Variants in HYCC1 observed in about 807,000 individuals in gnomAD.
The protein encoded by HYCC1 is hyccin PI4KA lipid kinase complex subunit 1.
the HYCC1 span, chr7:22,938,246 G>A: frequency 6.6e-6 from 1 of 152,134 alleles, no homozygotes; most frequent in African/African-American, 2.4e-5. Context: ...CTGCTCACCT[G>A]GGCAAACAGC....
chr7:22,946,570 T>TAA, the HYCC1 span, among the ~76,000 whole-genome samples: 1 of 152,054 alleles, frequency 6.6e-6, no homozygotes, highest in Non-Finnish European at 1.5e-5. Flanking sequence ...TAGAATACTT[T>TAA]AAAGACTTTT....
the HYCC1 span, among the ~76,000 whole-genome samples, chr7:22,951,396 A>G: frequency 4.6e-5 from 7 of 151,930 alleles, no homozygotes; most frequent in Admixed American, 1.3e-4. Context: ...TGGGGTGCTT[A>G]CAAACTTATT....
the HYCC1 span, among the ~76,000 whole-genome samples, chr7:22,899,146 G>A: frequency 2.1e-4 from 32 of 152,168 alleles, no homozygotes; most frequent in African/African-American, 7.0e-4. Flanking sequence ...TGAATGTCAC[G>A]ATGGCAGGAG....
the HYCC1 span, among the ~76,000 whole-genome samples, chr7:22,925,135 G>A: frequency 6.6e-6 from 1 of 152,212 alleles, no homozygotes; most frequent in African/African-American, 2.4e-5. Flanking sequence ...ACTGTTAGAA[G>A]GAAAACTAAC....
the HYCC1 span, among the ~76,000 whole-genome samples, chr7:22,976,001 T>C: frequency 6.6e-6 from 1 of 152,216 alleles, no homozygotes; most frequent in African/African-American, 2.4e-5. Flanking sequence ...ATTACAGACA[T>C]GAGCTATCGC....
chr7:22,951,891 G>GA, the HYCC1 span, among the ~76,000 whole-genome samples: 1 of 151,718 alleles, frequency 6.6e-6, no homozygotes, highest in African/African-American at 2.4e-5. Context: ...TACATGCATA[G>GA]AAAAAACTAA....
At chr7:22,994,656 C>A in the HYCC1 span, among the ~76,000 whole-genome samples, 1 of 152,208 alleles carries the variant, frequency 6.6e-6, no homozygotes, top group East Asian at 1.9e-4. Context: ...TTGTTTAGCA[C>A]GCATGCAAGC....
the HYCC1 span, chr7:22,945,356 GAA>G: frequency 1.8e-6 from 1 of 561,402 alleles, no homozygotes; most frequent in South Asian, 2.2e-5. Flanking sequence ...TAAGAGGAGG[GAA>G]AAAAAAGACT....
chr7:22,901,264 C>G, the HYCC1 span, among the ~76,000 whole-genome samples: 16 of 125,182 alleles, frequency 1.3e-4, 1 homozygote, highest in African/African-American at 4.7e-4. Context: ...AAAATATACA[C>G]CAATAATTCT....
the HYCC1 span, among the ~76,000 whole-genome samples, chr7:23,013,693 G>GC: frequency 1 from 151,744 of 151,746 alleles, 75,871 homozygotes; most frequent in Non-Finnish European, 1. Flanking sequence ...GGGGCGAGCA[G>GC]CGCCGGCCGC....
chr7:22,960,921 C>T, the HYCC1 span, among the ~76,000 whole-genome samples: 5 of 152,132 alleles, frequency 3.3e-5, no homozygotes, highest in Admixed American at 1.3e-4. Context: ...CATGGTGGCA[C>T]GTGCCTGTAA....
chr7:22,998,690 C>T, the HYCC1 span, among the ~76,000 whole-genome samples: 2 of 152,158 alleles, frequency 1.3e-5, no homozygotes, highest in South Asian at 2.1e-4. Context: ...TGAGTCTGGG[C>T]CCTTATTTCC....
At chr7:22,980,377 T>C in the HYCC1 span, among the ~76,000 whole-genome samples, 2 of 152,038 alleles carry the variant, frequency 1.3e-5, no homozygotes, top group African/African-American at 4.8e-5. Flanking sequence ...TTAAATGGGC[T>C]TTTATGGGTT....
the HYCC1 span, chr7:22,936,371 G>A: frequency 6.6e-6 from 1 of 152,216 alleles, no homozygotes; most frequent in Non-Finnish European, 1.5e-5. Flanking sequence ...GGCCTGTATT[G>A]TTGAAGTTCC....
At chr7:22,977,912 T>G in the HYCC1 span, among the ~76,000 whole-genome samples, 1 of 152,200 alleles carries the variant, frequency 6.6e-6, no homozygotes, top group Non-Finnish European at 1.5e-5. Flanking sequence ...TTGGTGAATA[T>G]TAGAGTAAAT....
the HYCC1 span, among the ~76,000 whole-genome samples, chr7:22,898,748 G>A: frequency 1.0e-3 from 151 of 150,772 alleles, no homozygotes; most frequent in African/African-American, 3.6e-3. Flanking sequence ...GACTACAGGC[G>A]CCCGCCACCA....
chr7:22,998,153 A>T, the HYCC1 span, among the ~76,000 whole-genome samples: 7 of 152,348 alleles, frequency 4.6e-5, no homozygotes, highest in African/African-American at 1.7e-4. Flanking sequence ...AGGATATCTG[A>T]TTTGGACTCT....
chr7:22,947,171 G>C, the HYCC1 span: 29 of 1,549,900 alleles, frequency 1.9e-5, no homozygotes, highest in Non-Finnish European at 2.5e-5. Context: ...TTCTCTCTCC[G>C]GCCACATTTG....
the HYCC1 span, among the ~76,000 whole-genome samples, chr7:22,991,831 G>A: frequency 2.0e-5 from 3 of 151,994 alleles, no homozygotes; most frequent in Admixed American, 1.3e-4. Context: ...ATTTCCTGAC[G>A]GAAAACTTGA....
Sources: gnomAD v4.1 joint callset for allele counts (sites outside exome capture counted in the v4.1 genomes callset) on GRCh38, gnomAD v4.1.1 for gene constraint, MANE v1.5 for transcripts, NCBI Gene and HGNC (gene_info 2026-07-23, HGNC 2026-07-21) for gene names.